CLIP3: variants seen among roughly 807,000 people sequenced by gnomAD.
CLIP3 encodes CAP-Gly domain-containing linker protein 3.
A neutral mutation model predicts 59.4 loss-of-function variants in CLIP3; 15 were observed. The observed-to-expected ratio is 0.25, with a 90% CI of 0.17 to 0.39. CLIP3 has a LOEUF of 0.39. Ranked by LOEUF, CLIP3 falls within the 10% of genes least tolerant of loss-of-function variation. The probability of loss-of-function intolerance (pLI) is 1.00; values close to 1 mark genes in which losing one functional copy is unlikely to be tolerated. For missense variants in CLIP3, 495 were observed against 765.7 expected (o/e 0.65, Z 4.17); for synonymous variants, 300 against 321.6 (o/e 0.93, Z 0.72).
intron 7 of CLIP3, among the ~76,000 whole-genome samples, chr19:36,019,581 A>AATGT (rs1555787360): frequency 7.1e-6 from 1 of 141,288 alleles, no homozygotes; most frequent in African/African-American, 2.7e-5. Flanking sequence ...GGACAATGTA[A>AATGT]ATTTATTTAT....
rs1487410711 is a variant in CLIP3, at chr19:36,017,885, C to G, written c.1290G>C (p.Gly430=). The part of the protein sequence containing the change: ...DQVLVAGQKQ[G]IVRFYGKTDF... ...CTGTCTTCCCGTAGAAGCGCACGAT[C>G]CCCTGCTTCTGGCCCGCGACAAGGA... The change falls in exon 10 of 14, where the codon GGG becomes GGC. Residue 430 remains glycine (G), a synonymous_variant. Transcript: ENST00000360535. The G allele has an allele frequency of 6.2e-7, 1 of 1,614,162 alleles. No homozygotes were observed. The highest frequency in any genetic ancestry group is 8.5e-7 in the Non-Finnish European group (1 of 1,180,038).
chr19:36,028,707 C>T (rs553808461), intron 2 of CLIP3, among the ~76,000 whole-genome samples: 73 of 152,284 alleles, frequency 4.8e-4, no homozygotes, highest in African/African-American at 1.6e-3. Flanking sequence ...AGACCAAAGT[C>T]TTCCCCACGG....
rs986552858 is a variant in CLIP3 at position 36,024,490 on chromosome 19, A to G, written c.824T>C (p.Val275Ala). ...GACGTTGTCATAGTTGGGTAGCGTGACCTTGGGGAGGGCGCAAGATAGTGG... is the reference window on the plus strand; with the variant it reads ...GACGTTGTCATAGTTGGGTAGCGTGGCCTTGGGGAGGGCGCAAGATAGTGG... ...AVPLSCALPK[V>A]TLPNYDNVPG... The change falls in exon 7 of 14, where the codon GTC (valine) becomes GCC (alanine). Residue 275 changes from valine to alanine, a missense_variant. This residue lies in a region of CLIP3 where 194 missense variants were observed against 327.8 expected (regional missense o/e 0.59). Coordinates refer to ENST00000360535, the MANE Select transcript of CLIP3 (RefSeq NM_015526.3). 1 of 1,614,222 alleles carries G rather than the reference A, an allele frequency of 6.2e-7. No homozygotes were observed. The highest frequency in any genetic ancestry group is 8.5e-7 in the Non-Finnish European group (1 of 1,180,048).
At chr19:36,018,490 G>A (rs1347104795) in intron 9 of CLIP3, among the ~76,000 whole-genome samples, 2 of 151,148 alleles carry the variant, frequency 1.3e-5, no homozygotes, top group Admixed American at 6.6e-5. Context: ...GCTGAGGCAC[G>A]AGAATTGCTT....
rs777508119 is a variant in CLIP3, at chr19:36,017,381, C to G, written c.1516+5G>C. ...CTCCTCCCAACATATCATCCCCTAA[C>G]TCACTTGTCACTTGATGCACTTTTT... On this transcript the variant is annotated splice_donor_5th_base_variant and intron_variant, in intron 12 of 13. Coordinates refer to ENST00000360535, the MANE Select transcript of CLIP3 (RefSeq NM_015526.3). 6.2e-7 allele frequency: 1 copy of G among 1,614,116 alleles called. No individual in the cohort carries two copies. Among genetic ancestry groups the G allele is most frequent in the Admixed American group, 1.7e-5 (1 of 60,030 alleles).
chr19:36,027,286 G>T lies in CLIP3; in HGVS notation c.167-15C>A. 1 of 1,585,362 alleles carries T rather than the reference G, an allele frequency of 6.3e-7. No homozygotes were observed. The highest frequency in any genetic ancestry group is 8.6e-7 in the Non-Finnish European group (1 of 1,166,452). On this transcript the variant is annotated splice_polypyrimidine_tract_variant and intron_variant, in intron 2 of 13. Coordinates refer to ENST00000360535, the MANE Select transcript of CLIP3 (RefSeq NM_015526.3). ...GAAGGTGAAAGCTGGGGTGGCAAGAGGTCCAAGGTCACCCCACGCAACTGA... is the reference window on the plus strand; with the variant it reads ...GAAGGTGAAAGCTGGGGTGGCAAGATGTCCAAGGTCACCCCACGCAACTGA...
rs1968815218 is a variant in CLIP3, at chr19:36,016,991, G to A, written c.1517-12C>T. The A allele has an allele frequency of 1.2e-6, 2 of 1,613,602 alleles. No homozygotes were observed. Among genetic ancestry groups the A allele is most frequent in the African/African-American group, 1.3e-5 (1 of 74,886 alleles). ...TTTGGGCTGCGTCACTGAAGAGGAG[G>A]GCAGGATGTCAAGTGAGGGGATGAC... On this transcript the variant is annotated splice_polypyrimidine_tract_variant and intron_variant, in intron 12 of 13. Coordinates refer to ENST00000360535, the MANE Select transcript of CLIP3 (RefSeq NM_015526.3). The surrounding 1 kb of genome is among the most constrained non-coding windows in gnomAD (Gnocchi z 4.1).
At position 36,023,012 on chromosome 19, in the gene CLIP3, G is replaced by A. The variant is rs372296434; in HGVS notation, c.918+1384C>T. On this transcript the variant is annotated intron_variant, in intron 7 of 13. Transcript: ENST00000360535. Reference sequence around the variant, plus strand: ...AGAGCTTGCAGTGAGCTGAGATCGCGCCACCGCACTCCAGCCTAGGCGACA... The same window carrying A: ...AGAGCTTGCAGTGAGCTGAGATCGCACCACCGCACTCCAGCCTAGGCGACA... Among the ~76,000 whole-genome samples, 3 of 152,088 alleles carry A rather than the reference G, an allele frequency of 2.0e-5. No homozygotes were observed. The South Asian group carries it at 6.2e-4, about 32-fold the overall frequency.
intron 7 of CLIP3, 38 bp downstream of exon 7, chr19:36,024,352 TCCCACC>T: frequency 6.6e-7 from 1 of 1,525,708 alleles, no homozygotes; most frequent in Non-Finnish European, 9.0e-7. Context: ...AGGGGCTGAG[TCCCACC>T]CCCACCCACC....
At chr19:36,018,780 A>C in intron 9 of CLIP3, 118 bp downstream of exon 9, 50 of 1,356,818 alleles carry the variant, frequency 3.7e-5, no homozygotes, top group Middle Eastern at 1.9e-4. Context: ...TCAGGAACTC[A>C]GAGCTTGTCT....
intron 2 of CLIP3, among the ~76,000 whole-genome samples, chr19:36,030,907 A>C (rs1013742921): frequency 1.3e-5 from 2 of 149,608 alleles, no homozygotes; most frequent in African/African-American, 5.0e-5. Context: ...AATGTTACCT[A>C]CTCAGAAAGA....
chr19:36,017,610 G>T (rs1210186630), intron 11 of CLIP3, 45 bp downstream of exon 11: 42 of 1,611,958 alleles, frequency 2.6e-5, no homozygotes, highest in Non-Finnish European at 3.6e-5. Context: ...GGGGGATCAG[G>T]GCTCCAGGTG....
intron 10 of CLIP3, 30 bp from the exon 11 acceptor site, chr19:36,017,808 A>C: frequency 6.2e-7 from 1 of 1,614,100 alleles, no homozygotes; most frequent in Non-Finnish European, 8.5e-7. Flanking sequence ...GGATTTCTCA[A>C]GGCCCTGCCT....
chr19:36,026,019 C>T lies in CLIP3; in HGVS notation c.681+128G>A. The T allele has an allele frequency of 4.4e-6, 3 of 676,360 alleles. No individual in the cohort carries two copies. The highest frequency in any genetic ancestry group is 5.4e-6 in the Non-Finnish European group (2 of 372,684). The allele number at this position is 676,360 out of a possible 1,614,324, so 41.9% of individuals were successfully genotyped here. On this transcript the variant is annotated intron_variant, in intron 6 of 13. Transcript: ENST00000360535. The surrounding 1 kb of genome is among the most constrained non-coding windows in gnomAD (Gnocchi z 6.3). ...ACTAGGCATATTTCAGCTGTTATTGCATTTGCTGAATGTACAGACGGCATT... is the reference window on the plus strand; with the variant it reads ...ACTAGGCATATTTCAGCTGTTATTGTATTTGCTGAATGTACAGACGGCATT...
rs1363092162 is a variant in CLIP3 at position 36,017,863 on chromosome 19, T to C, written c.1312A>G (p.Thr438Ala). The C allele has an allele frequency of 1.2e-6, 2 of 1,613,850 alleles. No individual in the cohort carries two copies. Among genetic ancestry groups the C allele is most frequent in the Non-Finnish European group, 1.7e-6 (2 of 1,179,888 alleles). Residue 438 changes from threonine (T) to alanine (A), a missense_variant, in exon 10 of 14, where the codon ACA becomes GCA. By Grantham distance (58) the Thr-to-Ala change is moderately conservative. Coordinates refer to ENST00000360535, the MANE Select transcript of CLIP3 (RefSeq NM_015526.3). ...KQGIVRFYGK[T>A]DFAPGYWYGI... ...CCATCCTCACCTGGGGCAAAGTCTG[T>C]CTTCCCGTAGAAGCGCACGATCCCC... is the stretch of plus-strand genomic sequence containing the variant.
intron 7 of CLIP3, 45 bp downstream of exon 7, chr19:36,024,351 G>T: frequency 6.5e-7 from 1 of 1,545,220 alleles, no homozygotes; most frequent in South Asian, 1.1e-5. Context: ...AAGGGGCTGA[G>T]TCCCACCCCC....
In CLIP3 at chr19:36,026,344, T is replaced by C. The variant is rs1969106595; in HGVS notation, c.563-79A>G. 2 of 1,345,356 alleles carry C rather than the reference T, an allele frequency of 1.5e-6. No individual in the cohort carries two copies. The highest frequency in any genetic ancestry group is 1.2e-5 in the South Asian group (1 of 82,234). The allele number at this position is 1,345,356 out of a possible 1,614,324, so 83.3% of individuals were successfully genotyped here. On this transcript the variant is annotated intron_variant, in intron 5 of 13. Coordinates refer to ENST00000360535, the MANE Select transcript of CLIP3 (RefSeq NM_015526.3). This position sits in a 1 kb window ranked among gnomAD's most constrained non-coding sequence, Gnocchi z 6.3. ...CTCCTCCCACCTCGGGGCTCATCTCTTAACTTGCAGGTCCCAGAGCCTCCG... is the reference window on the plus strand; with the variant it reads ...CTCCTCCCACCTCGGGGCTCATCTCCTAACTTGCAGGTCCCAGAGCCTCCG...
In CLIP3 at chr19:36,027,215, G is replaced by C; in HGVS notation, c.223C>G (p.Gln75Glu). Residue 75 changes from glutamine (Q) to glutamate (E), a missense_variant, in exon 3 of 14, where the codon CAG (glutamine) becomes GAG (glutamate). Around this residue, in one of 5 missense-constraint regions of CLIP3, gnomAD observed 90 missense variants for 105.2 expected, o/e 0.86. Coordinates refer to ENST00000360535, the MANE Select transcript of CLIP3 (RefSeq NM_015526.3). ...GCAAACAGCTCGGGGATGGTGGTCT[G>C]AGGGTCAAACAGGATCTCCTGGCAC... ...PACQEILFDPQTTIPELFAIV... is the reference protein window; with the variant it reads ...PACQEILFDPETTIPELFAIV... The C allele has an allele frequency of 1.2e-6, 2 of 1,613,780 alleles. No homozygotes were observed. The highest frequency in any genetic ancestry group is 8.5e-7 in the Non-Finnish European group (1 of 1,179,846).
intron 2 of CLIP3, among the ~76,000 whole-genome samples, chr19:36,028,244 A>C (rs1353322482): frequency 6.6e-6 from 1 of 152,172 alleles, no homozygotes. Context: ...AGGCTGAGGC[A>C]GGAGAATCAC....
Sources: allele counts gnomAD v4.1 joint callset (sites outside exome capture counted in the v4.1 genomes callset), GRCh38; gene constraint gnomAD v4.1.1; regional missense constraint gnomAD v4.1.1; non-coding constraint Gnocchi (gnomAD v3.1); transcripts MANE v1.5; gene names NCBI Gene and HGNC (gene_info 2026-07-23, HGNC 2026-07-21).